The following SPAG16 variants were observed in gnomAD, a reference collection of about 807,000 sequenced individuals.
The protein encoded by SPAG16 is sperm-associated antigen 16 protein.
SPAG16 carries 86 observed loss-of-function variants against 80.4 expected under a neutral mutation model. The observed-to-expected ratio is 1.07, with a 90% CI of 0.90 to 1.28. The LOEUF is 1.28. SPAG16 is among the 50% of genes most tolerant of loss of function. SPAG16 has a pLI of 0.00. For synonymous variants in SPAG16, 294 were observed against 265.9 expected (o/e 1.11, Z -1.03); for missense variants, 870 against 765.3 (o/e 1.14, Z -1.61).
At chr2:213,905,687 G>A (rs953767520) in intron 11 of SPAG16, among the ~76,000 whole-genome samples, 1 of 152,140 alleles carries the variant, frequency 6.6e-6, no homozygotes, top group Admixed American at 6.6e-5. Context: ...ATAAATAAGT[G>A]CTATATAATT....
chr2:213,904,600 C>CAAAA (rs34952255), intron 11 of SPAG16, among the ~76,000 whole-genome samples: 8 of 89,464 alleles, frequency 8.9e-5, no homozygotes, highest in African/African-American at 1.3e-4. Flanking sequence ...ATAAATTTTG[C>CAAAA]AAAAAAAAAA....
chr2:213,612,207 T>C (rs1574490684), intron 10 of SPAG16, among the ~76,000 whole-genome samples: 1 of 152,208 alleles, frequency 6.6e-6, no homozygotes, highest in Non-Finnish European at 1.5e-5. Flanking sequence ...TGGATATTTA[T>C]GTTTAATTTT....
At chr2:213,870,451 G>T (rs1442928949) in intron 11 of SPAG16, among the ~76,000 whole-genome samples, 1 of 152,186 alleles carries the variant, frequency 6.6e-6, no homozygotes, top group East Asian at 1.9e-4. Context: ...TCAAGGCACT[G>T]CCCAAGCGCT....
intron 10 of SPAG16, among the ~76,000 whole-genome samples, chr2:213,499,960 C>A (rs550242208): frequency 1.3e-5 from 2 of 152,242 alleles, no homozygotes; most frequent in South Asian, 2.1e-4. Context: ...GAATCTTCTG[C>A]TTTTTCCTCA....
At chr2:214,260,319 G>T (rs1691046876) in intron 15 of SPAG16, among the ~76,000 whole-genome samples, 1 of 151,448 alleles carries the variant, frequency 6.6e-6, no homozygotes, top group Non-Finnish European at 1.5e-5. Flanking sequence ...CTATTGAAAT[G>T]ATAATTTTAA....
At chr2:214,095,242 C>A (rs190197901) in intron 13 of SPAG16, among the ~76,000 whole-genome samples, 1 of 151,958 alleles carries the variant, frequency 6.6e-6, no homozygotes, top group East Asian at 1.9e-4. Context: ...TTTCTCTGGC[C>A]GGTTGTTTTT....
chr2:213,315,226 G>T lies in SPAG16; in HGVS notation c.399-1993G>T, dbSNP rs1380515807. On this transcript the variant is annotated intron_variant, in intron 4 of 15. Coordinates refer to ENST00000331683, the MANE Select transcript of SPAG16 (RefSeq NM_024532.5). Reference sequence around the variant, plus strand: ...TTAAAATTGTAATTATTTACAATCTGCAATTGATTCTCTGATGTTGCTTCT... The same window carrying T: ...TTAAAATTGTAATTATTTACAATCTTCAATTGATTCTCTGATGTTGCTTCT... Among the ~76,000 whole-genome samples the T allele has an allele frequency of 2.0e-5, 3 of 151,740 alleles. No individual in the cohort carries two copies. In the East Asian group the frequency reaches 5.8e-4, roughly 29 times the overall value.
chr2:214,237,385 A>G (rs1026041365), intron 15 of SPAG16, among the ~76,000 whole-genome samples: 1 of 152,096 alleles, frequency 6.6e-6, no homozygotes. Context: ...TAAGATAATT[A>G]CCATACATGT....
chr2:213,904,505 C>T (rs184640192), intron 11 of SPAG16, among the ~76,000 whole-genome samples: 2 of 151,514 alleles, frequency 1.3e-5, no homozygotes, highest in Admixed American at 1.3e-4. Flanking sequence ...CTTGGTCCCT[C>T]CCACAACATG....
At chr2:213,722,340 A>C (rs2066566860) in intron 10 of SPAG16, among the ~76,000 whole-genome samples, 1 of 152,228 alleles carries the variant, frequency 6.6e-6, no homozygotes, top group Non-Finnish European at 1.5e-5. Flanking sequence ...ATTTGAATTT[A>C]AAGTTGAATT....
At chr2:213,962,144 T>C (rs991520605) in intron 12 of SPAG16, among the ~76,000 whole-genome samples, 2 of 152,010 alleles carry the variant, frequency 1.3e-5, no homozygotes, top group Admixed American at 6.6e-5. Flanking sequence ...GCGGTAATTA[T>C]GGTTAAATAA....
intron 13 of SPAG16, among the ~76,000 whole-genome samples, chr2:214,062,939 A>G (rs1471143089): frequency 6.6e-6 from 1 of 152,186 alleles, no homozygotes; most frequent in Non-Finnish European, 1.5e-5. Context: ...ATGCAATTTT[A>G]AAGTTTTTAG....
rs1036959129 is a variant in SPAG16 at position 213,773,255 on chromosome 2, GT to G, written c.1071-89224del. Among the ~76,000 whole-genome samples the G allele has an allele frequency of 3.9e-5, 6 of 152,132 alleles. No individual in the cohort carries two copies. The East Asian group carries it at 1.2e-3, about 29-fold the overall frequency. On this transcript the variant is annotated intron_variant, in intron 10 of 15. Coordinates refer to ENST00000331683, the MANE Select transcript of SPAG16 (RefSeq NM_024532.5). ...GATGAGATTTTCTCAGCATTTGTGAGTTTTTTCCCACAAGGCATTCACACAC... is the reference window on the plus strand; with the variant it reads ...GATGAGATTTTCTCAGCATTTGTGAGTTTTTCCCACAAGGCATTCACACAC...
intron 10 of SPAG16, among the ~76,000 whole-genome samples, chr2:213,812,770 C>G (rs1057492152): frequency 6.6e-6 from 1 of 151,960 alleles, no homozygotes; most frequent in Non-Finnish European, 1.5e-5. Flanking sequence ...TTACATGTAA[C>G]TAGGCAAGTC....
chr2:214,068,038 T>C (rs1305763937), intron 13 of SPAG16, among the ~76,000 whole-genome samples: 3 of 152,286 alleles, frequency 2.0e-5, no homozygotes, highest in East Asian at 3.9e-4. Context: ...CCGTGCAGTA[T>C]AACAGAAAAT....
chr2:214,303,682 A>G (rs1242571637), intron 15 of SPAG16, among the ~76,000 whole-genome samples: 1 of 152,186 alleles, frequency 6.6e-6, no homozygotes, highest in African/African-American at 2.4e-5. Context: ...AAGATCCGAT[A>G]AATTTTCCTA....
chr2:213,563,398 C>T (rs2059657402), intron 10 of SPAG16, among the ~76,000 whole-genome samples: 1 of 152,184 alleles, frequency 6.6e-6, no homozygotes, highest in Admixed American at 6.5e-5. Flanking sequence ...ATACTATAGA[C>T]TAGGTGGCTT....
chr2:214,072,849 A>G (rs1395221415), intron 13 of SPAG16, among the ~76,000 whole-genome samples: 1 of 152,178 alleles, frequency 6.6e-6, no homozygotes, highest in Non-Finnish European at 1.5e-5. Context: ...TCAGTTTTTT[A>G]ATTAAAACCC....
At chr2:214,312,711 T>G (rs1695419015) in intron 15 of SPAG16, among the ~76,000 whole-genome samples, 1 of 152,188 alleles carries the variant, frequency 6.6e-6, no homozygotes, top group South Asian at 2.1e-4. Flanking sequence ...TTGGGTTATT[T>G]TTTTGGCTTT....
Sources: gnomAD v4.1 joint callset for allele counts (sites outside exome capture counted in the v4.1 genomes callset) on GRCh38, gnomAD v4.1.1 for gene constraint, MANE v1.5 for transcripts, NCBI Gene and HGNC (gene_info 2026-07-23, HGNC 2026-07-21) for gene names.